The following SHLD1 variants were observed in gnomAD, a reference collection of about 807,000 sequenced individuals.
SHLD1 encodes the protein shieldin complex subunit 1, also known as RINN1-REV7-interacting novel NHEJ regulator 3.
Under a neutral mutation model 5.5 loss-of-function variants are expected in SHLD1, and 3 were observed. That is an observed-to-expected ratio of 0.54 (90% CI 0.25 to 1.40). SHLD1 has a LOEUF of 1.40. Ranked by LOEUF, SHLD1 falls within the 40% of genes most tolerant of loss-of-function variation. The pLI, the probability that SHLD1 is intolerant of heterozygous loss-of-function variation, is 0.15. For missense variants in SHLD1, 210 were observed against 244.4 expected, an observed-to-expected ratio of 0.86 and a Z score of 0.94; for synonymous variants, 92 against 94.3, an observed-to-expected ratio of 0.98 and a Z score of 0.14.
intron 2 of SHLD1, among the ~76,000 whole-genome samples, chr20:5,849,815 C>A (rs373649423): frequency 6.7e-6 from 1 of 150,354 alleles, no homozygotes; most frequent in Non-Finnish European, 1.5e-5. Flanking sequence ...AAAAATTAGC[C>A]GGGCGCGGTG....
intron 2 of SHLD1, among the ~76,000 whole-genome samples, chr20:5,803,982 T>G (rs898163341): frequency 7.3e-5 from 11 of 151,250 alleles, no homozygotes; most frequent in Non-Finnish European, 1.6e-4. Context: ...CTTCGATCAT[T>G]AAGGAAGTTA....
At chr20:5,849,730 C>T (rs886155051) in intron 2 of SHLD1, among the ~76,000 whole-genome samples, 8 of 151,608 alleles carry the variant, frequency 5.3e-5, no homozygotes, top group Admixed American at 3.3e-4. Flanking sequence ...GAGGCCGAGG[C>T]GGGTGGATCA....
At chr20:5,786,374 C>T (rs568361919) in intron 2 of SHLD1, among the ~76,000 whole-genome samples, 44 of 152,184 alleles carry the variant, frequency 2.9e-4, no homozygotes, top group Non-Finnish European at 3.5e-4. Flanking sequence ...GCCAGGAGTT[C>T]GAGACCAGCC....
At position 5,863,692 on chromosome 20, in the gene SHLD1, A is replaced by G; in HGVS notation, c.*229A>G. 2.0e-6 allele frequency: 1 copy of G among 488,308 alleles called. No individual in the cohort carries two copies. Among genetic ancestry groups the G allele is most frequent in the Non-Finnish European group, 3.6e-6 (1 of 278,794 alleles). 30.2% of individuals were successfully genotyped at this position (488,308 alleles called of 1,614,324 possible). On this transcript the variant is annotated 3_prime_UTR_variant, in exon 3 of 3. Transcript: ENST00000303142. ...TCCGTCCTCTTGGCCAAGGCCGCTG[A>G]CTGACTGGGCTACGAGTCAAAAGCC...
At position 5,822,890 on chromosome 20, in the gene SHLD1, A is replaced by T. The variant is rs1048964193; in HGVS notation, c.179-40134A>T. 6.6e-5 allele frequency among the ~76,000 whole-genome samples: 10 copies of T among 151,850 alleles called. No homozygotes were observed. The East Asian group carries it at 1.9e-3, about 29-fold the overall frequency. On this transcript the variant is annotated intron_variant, in intron 2 of 2. Coordinates refer to ENST00000303142, the MANE Select transcript of SHLD1 (RefSeq NM_152504.4). The stretch of plus-strand genomic sequence containing the variant: ...GTTTCTCTGTTCCTTTTTATAGCAG[A>T]AGGCTATGAAAGATGTGTCTTATTT...
intron 2 of SHLD1, among the ~76,000 whole-genome samples, chr20:5,791,961 T>G (rs1054406832): frequency 6.6e-6 from 1 of 152,216 alleles, no homozygotes; most frequent in Non-Finnish European, 1.5e-5. Context: ...TTGGTAACGT[T>G]GAACATATTT....
chr20:5,751,446 A>G (rs990452859), intron 1 of SHLD1, among the ~76,000 whole-genome samples: 8 of 152,054 alleles, frequency 5.3e-5, no homozygotes, highest in African/African-American at 1.9e-4. Context: ...AGCTGGGACT[A>G]CAGGCGCCTG....
chr20:5,758,043 T>C (rs552170863), intron 1 of SHLD1, among the ~76,000 whole-genome samples: 196 of 152,182 alleles, frequency 1.3e-3, no homozygotes, highest in Non-Finnish European at 2.3e-3. Flanking sequence ...AATACCCTGA[T>C]GTCAGGGTAA....
intron 1 of SHLD1, among the ~76,000 whole-genome samples, chr20:5,766,403 A>C (rs1984830885): frequency 6.6e-6 from 1 of 152,168 alleles, no homozygotes; most frequent in Non-Finnish European, 1.5e-5. Context: ...CTCAAACAAA[A>C]AGATCTTGCC....
intron 1 of SHLD1, chr20:5,772,240 G>C (rs1274968807): frequency 1.8e-5 from 8 of 444,496 alleles, no homozygotes; most frequent in Non-Finnish European, 9.0e-6. Context: ...TGACTTGCTG[G>C]CATCACTACT....
intron 2 of SHLD1, among the ~76,000 whole-genome samples, chr20:5,849,679 G>A (rs556934371): frequency 2.4e-4 from 37 of 152,306 alleles, no homozygotes; most frequent in African/African-American, 8.9e-4. Flanking sequence ...TCATTGAGGG[G>A]CCGGGCGCGG....
chr20:5,822,678 C>T (rs974804042), intron 2 of SHLD1, among the ~76,000 whole-genome samples: 2 of 151,738 alleles, frequency 1.3e-5, no homozygotes, highest in East Asian at 3.9e-4. Context: ...AAGGCCAGCC[C>T]CTCCACTTAA....
At chr20:5,779,483 C>T (rs1039682117) in intron 2 of SHLD1, among the ~76,000 whole-genome samples, 5 of 152,142 alleles carry the variant, frequency 3.3e-5, no homozygotes, top group Admixed American at 3.3e-4. Context: ...GAGGCTCTTG[C>T]CGACATTTTA....
At chr20:5,801,149 C>G (rs1254156642) in intron 2 of SHLD1, among the ~76,000 whole-genome samples, 1 of 149,574 alleles carries the variant, frequency 6.7e-6, no homozygotes, top group African/African-American at 2.5e-5. Flanking sequence ...GCGATCTTGG[C>G]TCACTGCAAC....
chr20:5,832,439 C>T (rs2087740169), intron 2 of SHLD1, among the ~76,000 whole-genome samples: 1 of 152,074 alleles, frequency 6.6e-6, no homozygotes, highest in Non-Finnish European at 1.5e-5. Context: ...TGTAACTCAG[C>T]TCCTCTTATT....
At chr20:5,842,839 C>T (rs1370354557) in intron 2 of SHLD1, among the ~76,000 whole-genome samples, 1 of 152,032 alleles carries the variant, frequency 6.6e-6, no homozygotes, top group African/African-American at 2.4e-5. Flanking sequence ...TTAACATTTT[C>T]TCATTGTGCT....
chr20:5,811,482 T>C (rs237074), intron 2 of SHLD1, among the ~76,000 whole-genome samples: 93,405 of 151,944 alleles, frequency 0.61, 29,608 homozygotes, highest in Non-Finnish European at 0.7. Flanking sequence ...AATAATGTAT[T>C]TCTGACATTA....
At chr20:5,808,354 A>G (rs1033798477) in intron 2 of SHLD1, among the ~76,000 whole-genome samples, 1 of 152,174 alleles carries the variant, frequency 6.6e-6, no homozygotes, top group African/African-American at 2.4e-5. Context: ...CCTTCCATAT[A>G]CACACCTACA....
chr20:5,835,998 G>A (rs1306351957), intron 2 of SHLD1, among the ~76,000 whole-genome samples: 1 of 152,122 alleles, frequency 6.6e-6, no homozygotes, highest in African/African-American at 2.4e-5. Context: ...AACTTCCAAA[G>A]CAGGACCAGG....
Sources: allele counts gnomAD v4.1 joint callset (sites outside exome capture counted in the v4.1 genomes callset), GRCh38; gene constraint gnomAD v4.1.1; transcripts MANE v1.5; gene names NCBI Gene and HGNC (gene_info 2026-07-23, HGNC 2026-07-21).